The following PLXNA4 variants were observed in gnomAD, a reference collection of about 807,000 sequenced individuals.
PLXNA4 encodes plexin-A4.
A neutral mutation model predicts 191.8 loss-of-function variants in PLXNA4; 44 were observed. The ratio of observed to expected loss-of-function variants is 0.23; its 90% CI spans 0.18 to 0.29. PLXNA4 has a LOEUF of 0.29. PLXNA4 is among the 10% of genes least tolerant of loss of function. The probability of loss-of-function intolerance (pLI) is 1.00; values close to 1 mark genes in which losing one functional copy is unlikely to be tolerated. For missense variants in PLXNA4, 1,800 were observed against 2,488.8 expected (o/e 0.72, Z 5.89); for synonymous variants, 1,082 against 1,009.5 (o/e 1.07, Z -1.36).
intron 4 of PLXNA4, among the ~76,000 whole-genome samples, chr7:132,297,246 C>T (rs1017886078): frequency 1.3e-5 from 2 of 152,122 alleles, no homozygotes; most frequent in African/African-American, 4.8e-5. Flanking sequence ...GATAGAGGGG[C>T]AGCTCCCGAG....
chr7:132,435,393 G>C (rs536469226), intron 3 of PLXNA4, among the ~76,000 whole-genome samples: 1 of 152,190 alleles, frequency 6.6e-6, no homozygotes, highest in East Asian at 2.0e-4. Flanking sequence ...ACTGCAGCCT[G>C]TTCTAATCGG....
At chr7:132,311,668 C>T (rs908680037) in intron 3 of PLXNA4, among the ~76,000 whole-genome samples, 2 of 152,176 alleles carry the variant, frequency 1.3e-5, no homozygotes, top group South Asian at 4.1e-4. Flanking sequence ...TTCCCCTCCC[C>T]GTCCCACACA....
chr7:132,164,750 C>T (rs1272161574), intron 23 of PLXNA4, among the ~76,000 whole-genome samples: 2 of 152,262 alleles, frequency 1.3e-5, no homozygotes, highest in African/African-American at 2.4e-5. Flanking sequence ...CAACATGCGG[C>T]TTCTGCACCG....
At chr7:132,561,909 TC>T in intron 1 of PLXNA4, among the ~76,000 whole-genome samples, 1 of 141,880 alleles carries the variant, frequency 7.0e-6, no homozygotes, top group African/African-American at 2.6e-5. Context: ...CTCCTTCTCC[TC>T]CTTATCCTCC....
Position 132,129,770 on chromosome 7 carries a change from G to A in PLXNA4, c.*709C>T, listed in dbSNP as rs13246412. On this transcript the variant is annotated 3_prime_UTR_variant, in exon 32 of 32. Coordinates refer to ENST00000321063, the MANE Select transcript of PLXNA4 (RefSeq NM_020911.2). ...TTCTCCTGCCTGGCTTTCTACTGGCGGGGGAGCAGGCAGGGCAGGCAGGTC... is the reference window on the plus strand; with the variant it reads ...TTCTCCTGCCTGGCTTTCTACTGGCAGGGGAGCAGGCAGGGCAGGCAGGTC... 0.7 allele frequency: 106,368 copies of A among 152,574 alleles called. 38,177 individuals are homozygous for A. Among genetic ancestry groups the A allele is most frequent in the East Asian group, 0.83 (4,274 of 5,160 alleles). 9.5% of individuals were successfully genotyped at this position (152,574 alleles called of 1,614,324 possible).
At chr7:132,397,429 G>A (rs929382936) in intron 3 of PLXNA4, among the ~76,000 whole-genome samples, 2 of 152,212 alleles carry the variant, frequency 1.3e-5, no homozygotes, top group African/African-American at 2.4e-5. Context: ...AAGGGCAAGT[G>A]GAGAGCAGGT....
At chr7:132,439,628 G>T (rs12672087) in intron 3 of PLXNA4, among the ~76,000 whole-genome samples, 2 of 152,138 alleles carry the variant, frequency 1.3e-5, no homozygotes, top group South Asian at 4.1e-4. Flanking sequence ...TGCTCAAATA[G>T]CTTTTGGAAC....
At chr7:132,360,856 C>T (rs779151071) in intron 3 of PLXNA4, among the ~76,000 whole-genome samples, 1 of 152,200 alleles carries the variant, frequency 6.6e-6, no homozygotes, top group Non-Finnish European at 1.5e-5. Flanking sequence ...TCAAGTCTAC[C>T]GAGTGCATTC....
At chr7:132,365,328 C>CGCGTGTGTGTGTGTGTGT (rs142768008) in intron 3 of PLXNA4, among the ~76,000 whole-genome samples, 2 of 142,994 alleles carry the variant, frequency 1.4e-5, no homozygotes, top group African/African-American at 5.3e-5. Flanking sequence ...CTACGGCCCG[C>CGCGTGTGTGTGTGTGTGT]GTGTGTGTGT....
chr7:132,477,675 T>C (rs1251529255), intron 3 of PLXNA4, among the ~76,000 whole-genome samples: 2 of 152,202 alleles, frequency 1.3e-5, no homozygotes, highest in Non-Finnish European at 2.9e-5. Flanking sequence ...ATTCAGCATT[T>C]GTTACCTTCG....
chr7:132,227,663 A>T, intron 6 of PLXNA4, 59 bp from the exon 7 acceptor site: 3 of 1,603,344 alleles, frequency 1.9e-6, no homozygotes, highest in Non-Finnish European at 2.6e-6. Flanking sequence ...AAGGACAGGT[A>T]TGGAATAAAA....
intron 3 of PLXNA4, among the ~76,000 whole-genome samples, chr7:132,326,950 G>C (rs1302057310): frequency 1.4e-5 from 2 of 145,740 alleles, no homozygotes; most frequent in Admixed American, 6.9e-5. Context: ...AGGGAGAGAG[G>C]GAAGAAGGAA....
At position 132,508,520 on chromosome 7, in the gene PLXNA4, C is replaced by T. The variant is rs370359728; in HGVS notation, c.174G>A (p.Glu58=). ...CCCCCAAGTAAATGTGTCCTGTCCT[C>T]TCATCCACCACCAGGTGATTGAAAC... is the stretch of plus-strand genomic sequence containing the variant. ...AEGFNHLVVD[E]RTGHIYLGAV... is the part of the protein sequence containing the mutation. The change falls in exon 2 of 32, where the codon GAG becomes GAA. Residue 58 remains glutamate, a synonymous_variant. Coordinates refer to ENST00000321063, the MANE Select transcript of PLXNA4 (RefSeq NM_020911.2). This position sits in a 1 kb window ranked among gnomAD's most constrained non-coding sequence, Gnocchi z 4.4. The T allele has an allele frequency of 3.1e-6, 5 of 1,614,092 alleles. No homozygotes were observed. In the African/African-American group the frequency reaches 4.0e-5, roughly 13 times the overall value.
Position 132,381,571 on chromosome 7 carries a change from A to T in PLXNA4, c.1372-83349T>A, listed in dbSNP as rs117092671. ...ATTTAAAAACATCTATTTAAATTTC[A>T]AGTGACATTCCAGTTGCAAGGAACA... On this transcript the variant is annotated intron_variant, in intron 3 of 31. Coordinates refer to ENST00000321063, the MANE Select transcript of PLXNA4 (RefSeq NM_020911.2). Among the ~76,000 whole-genome samples the T allele has an allele frequency of 2.4e-4, 37 of 152,338 alleles. 1 individual carries two copies. In the East Asian group the frequency reaches 7.1e-3, roughly 29 times the overall value.
Position 132,194,069 on chromosome 7 carries a change from T to C in PLXNA4, c.2849A>G (p.Tyr950Cys). ...CTGCTGGCCAAGACTCACCATGAAG[T>C]AATAGAGCTGTGAGGACCGGGCCAT... is the stretch of plus-strand genomic sequence containing the variant. ...EFMARSSQLY[Y>C]FMTLTLSDLK... The change falls in exon 14 of 32, where the codon TAC (tyrosine) becomes TGC (cysteine). Residue 950 changes from tyrosine (Y) to cysteine (C), a missense_variant. Tyr to Cys is a radical substitution (Grantham distance 194). This residue lies in a region of PLXNA4 where 1,397 missense variants were observed against 1,880.4 expected (regional missense o/e 0.74). Coordinates refer to ENST00000321063, the MANE Select transcript of PLXNA4 (RefSeq NM_020911.2). 2 of 1,613,632 alleles carry C rather than the reference T, an allele frequency of 1.2e-6. No homozygotes were observed. Among genetic ancestry groups the C allele is most frequent in the East Asian group, 2.2e-5 (1 of 44,872 alleles).
chr7:132,188,836 A>G (rs1245421900), intron 14 of PLXNA4, among the ~76,000 whole-genome samples: 1 of 151,676 alleles, frequency 6.6e-6, no homozygotes, highest in East Asian at 1.9e-4. Flanking sequence ...CAGGGGGCTG[A>G]GCCAAAAAGT....
At chr7:132,600,689 T>A (rs1802801048) in intron 2 of PLXNA4, among the ~76,000 whole-genome samples, 1 of 152,172 alleles carries the variant, frequency 6.6e-6, no homozygotes, top group African/African-American at 2.4e-5. Flanking sequence ...TTTTTCCTTG[T>A]ACCAATTTTG....
At chr7:132,407,120 C>G (rs187026939) in intron 3 of PLXNA4, among the ~76,000 whole-genome samples, 1 of 152,168 alleles carries the variant, frequency 6.6e-6, no homozygotes, top group Admixed American at 6.5e-5. Flanking sequence ...CAGATATTGA[C>G]GCTCTCATTT....
rs183493381 is a variant in PLXNA4 at position 132,218,943 on chromosome 7, A to G, written c.2097+4584T>C. Among the ~76,000 whole-genome samples, 4 of 152,300 alleles carry G rather than the reference A, an allele frequency of 2.6e-5. No homozygotes were observed. In the East Asian group the frequency reaches 7.7e-4, roughly 29 times the overall value. ...ACCAGTTCTCTGTTCCAGTCCAATA[A>G]CTTCACCTGAACGCATTCTTTGTTC... On this transcript the variant is annotated intron_variant, in intron 9 of 31. Transcript: ENST00000321063.
Sources: gnomAD v4.1 joint callset for allele counts (sites outside exome capture counted in the v4.1 genomes callset) on GRCh38, gnomAD v4.1.1 for gene constraint, gnomAD v4.1.1 regional missense constraint, Gnocchi (gnomAD v3.1) non-coding constraint, MANE v1.5 for transcripts, NCBI Gene and HGNC (gene_info 2026-07-23, HGNC 2026-07-21) for gene names.